Variants in SGMS1 observed in about 807,000 individuals in gnomAD.
SGMS1 encodes phosphatidylcholine:ceramide cholinephosphotransferase 1.
A neutral mutation model predicts 46.2 loss-of-function variants in SGMS1; 13 were observed. The ratio of observed to expected loss-of-function variants is 0.28; its 90% confidence interval spans 0.18 to 0.45. The LOEUF (loss-of-function observed/expected upper bound fraction) is 0.45. Ranked by LOEUF, SGMS1 falls within the 20% of genes least tolerant of loss-of-function variation. SGMS1 has a pLI of 1.00. For missense variants in SGMS1, 324 were observed against 519.9 expected, an observed-to-expected ratio of 0.62 and a Z score of 3.66; for synonymous variants, 203 against 187.8, an observed-to-expected ratio of 1.08 and a Z score of -0.66.
At chr10:50,502,137 A>T (rs1837666706) in intron 3 of SGMS1, among the ~76,000 whole-genome samples, 1 of 151,996 alleles carries the variant, frequency 6.6e-6, no homozygotes, top group African/African-American at 2.4e-5. Flanking sequence ...GTTCTGCCAC[A>T]AAGTCCCTCC....
intron 7 of SGMS1, chr10:50,336,264 G>C (rs1272363260): frequency 3.9e-5 from 6 of 152,374 alleles, no homozygotes; most frequent in Admixed American, 3.3e-4. Flanking sequence ...CTCAGGCTCT[G>C]AGCCTAGATA....
chr10:50,371,871 A>G (rs984841729), intron 6 of SGMS1, among the ~76,000 whole-genome samples: 1 of 152,140 alleles, frequency 6.6e-6, no homozygotes, highest in Admixed American at 6.5e-5. Flanking sequence ...TCATCCTTTT[A>G]TATAAGGGAA....
intron 1 of SGMS1, among the ~76,000 whole-genome samples, chr10:50,596,893 T>C (rs1392530118): frequency 6.6e-6 from 1 of 152,212 alleles, no homozygotes; most frequent in Non-Finnish European, 1.5e-5. Context: ...AGTCAGTGAC[T>C]GCTAGTCCCA....
intron 3 of SGMS1, among the ~76,000 whole-genome samples, chr10:50,495,056 A>T (rs917302168): frequency 2.5e-5 from 2 of 79,976 alleles, no homozygotes; most frequent in African/African-American, 8.3e-5. Context: ...ATAAAATAAA[A>T]AAAAATACAA....
intron 1 of SGMS1, among the ~76,000 whole-genome samples, chr10:50,620,243 T>C (rs1838836793): frequency 6.6e-6 from 1 of 152,254 alleles, no homozygotes; most frequent in Non-Finnish European, 1.5e-5. Context: ...CTCTTGTGAC[T>C]GGGTAGCTTA....
intron 7 of SGMS1, chr10:50,335,310 C>G (rs953625586): frequency 1.3e-5 from 2 of 152,346 alleles, no homozygotes. Context: ...AAACAAAACC[C>G]AACACATTTG....
chr10:50,561,803 T>A (rs1165662473), intron 2 of SGMS1, among the ~76,000 whole-genome samples: 1 of 152,112 alleles, frequency 6.6e-6, no homozygotes, highest in African/African-American at 2.4e-5. Context: ...AGACTGGAAA[T>A]TAACCACAGC....
chr10:50,330,835 C>T (rs1847613260), intron 7 of SGMS1, among the ~76,000 whole-genome samples: 1 of 152,206 alleles, frequency 6.6e-6, no homozygotes, highest in Non-Finnish European at 1.5e-5. Context: ...TTAGTGATTC[C>T]AGCTGTAAAA....
Position 50,485,621 on chromosome 10 carries a change from C to T in SGMS1, c.-497-18689G>A, listed in dbSNP as rs186626235. ...CTAAGCAAAAAGAACAAAGCATTTC[C>T]GGGTGCGGTGGCTCACACCCATAAT... On this transcript the variant is annotated intron_variant, in intron 3 of 10. Coordinates refer to ENST00000361781, the MANE Select transcript of SGMS1 (RefSeq NM_147156.4). 9.5e-4 allele frequency among the ~76,000 whole-genome samples: 145 copies of T among 152,168 alleles called. 1 individual carries two copies. The highest frequency in any genetic ancestry group is 3.4e-3 in the African/African-American group (140 of 41,540).
intron 6 of SGMS1, among the ~76,000 whole-genome samples, chr10:50,431,383 A>C (rs1467684230): frequency 6.6e-6 from 1 of 152,252 alleles, no homozygotes; most frequent in African/African-American, 2.4e-5. Flanking sequence ...TGAAATATCC[A>C]AGGCATTTTT....
intron 7 of SGMS1, among the ~76,000 whole-genome samples, chr10:50,331,636 C>T (rs955434216): frequency 2.0e-5 from 3 of 152,210 alleles, no homozygotes; most frequent in African/African-American, 7.2e-5. Flanking sequence ...CTCACCTGAA[C>T]ATCCACAGTA....
chr10:50,577,782 C>T (rs1443968589), intron 2 of SGMS1, among the ~76,000 whole-genome samples: 1 of 152,208 alleles, frequency 6.6e-6, no homozygotes, highest in African/African-American at 2.4e-5. Context: ...GGGCAAGCTT[C>T]CATAGCAATC....
intron 6 of SGMS1, among the ~76,000 whole-genome samples, chr10:50,392,642 C>T (rs898304616): frequency 2.0e-5 from 3 of 152,072 alleles, no homozygotes; most frequent in African/African-American, 4.8e-5. Flanking sequence ...AGGGCACAGT[C>T]CAAGTGTTAT....
chr10:50,380,341 T>G (rs974509852), intron 6 of SGMS1, among the ~76,000 whole-genome samples: 2 of 148,760 alleles, frequency 1.3e-5, no homozygotes, highest in Non-Finnish European at 3.0e-5. Flanking sequence ...AGAGTGCCAC[T>G]GCACTCCAGC....
intron 6 of SGMS1, among the ~76,000 whole-genome samples, chr10:50,424,437 C>T (rs1339129529): frequency 6.6e-6 from 1 of 152,160 alleles, no homozygotes; most frequent in Non-Finnish European, 1.5e-5. Context: ...AAGGTACTAT[C>T]TATATTAAAA....
rs187643631 is a variant in SGMS1 at position 50,411,148 on chromosome 10, G to A, written c.-232+22328C>T. ...ATAATTCCAGTGAAATGAAAGCTTTGGAATTTCAAGGAAGAAGGAGGGACC... is the reference window on the plus strand; with the variant it reads ...ATAATTCCAGTGAAATGAAAGCTTTAGAATTTCAAGGAAGAAGGAGGGACC... On this transcript the variant is annotated intron_variant, in intron 6 of 10. Coordinates refer to ENST00000361781, the MANE Select transcript of SGMS1 (RefSeq NM_147156.4). 4.7e-3 allele frequency among the ~76,000 whole-genome samples: 709 copies of A among 152,148 alleles called. 2 individuals are homozygous for A. The highest frequency in any genetic ancestry group is 0.024 in the Middle Eastern group (7 of 294).
At chr10:50,481,366 C>A (rs1447369446) in intron 3 of SGMS1, among the ~76,000 whole-genome samples, 1 of 152,192 alleles carries the variant, frequency 6.6e-6, no homozygotes, top group Admixed American at 6.5e-5. Flanking sequence ...GCAGCTTCCA[C>A]TAGTAACACA....
At chr10:50,377,755 C>T (rs1313361485) in intron 6 of SGMS1, among the ~76,000 whole-genome samples, 1 of 152,174 alleles carries the variant, frequency 6.6e-6, no homozygotes, top group African/African-American at 2.4e-5. Context: ...TTAGCAGGGA[C>T]ATACTCCCTC....
rs1849110161 is a variant in SGMS1, at chr10:50,412,225, A to C, written c.-232+21251T>G. Among the ~76,000 whole-genome samples, 3 of 152,202 alleles carry C rather than the reference A, an allele frequency of 2.0e-5. No individual in the cohort carries two copies. The South Asian group carries it at 6.2e-4, about 32-fold the overall frequency. ...ATGTGAGGTTTACACAATTCAATGC[A>C]ATAGGGACACTGAGAAAGAAAATCA... is the stretch of plus-strand genomic sequence containing the variant. On this transcript the variant is annotated intron_variant, in intron 6 of 10. Coordinates refer to ENST00000361781, the MANE Select transcript of SGMS1 (RefSeq NM_147156.4).
Sources: gnomAD v4.1 joint callset for allele counts (sites outside exome capture counted in the v4.1 genomes callset) on GRCh38, gnomAD v4.1.1 for gene constraint, MANE v1.5 for transcripts, NCBI Gene and HGNC (gene_info 2026-07-23, HGNC 2026-07-21) for gene names.